The following C10orf71 variants were observed in gnomAD, a reference collection of about 807,000 sequenced individuals.
The protein encoded by C10orf71 is cardiac-enriched FHL2-interacting protein.
For synonymous variants in C10orf71, 758 were observed against 726.3 expected (o/e 1.04, Z -0.70); for missense variants, 1,869 against 1,804.5 (o/e 1.04, Z -0.65).
At chr10:49,316,607 T>G (rs1564687213) in intron 2 of C10orf71, among the ~76,000 whole-genome samples, 1 of 152,102 alleles carries the variant, frequency 6.6e-6, no homozygotes, top group African/African-American at 2.4e-5. Context: ...GAAATTCATA[T>G]GTATTAAAAG....
At chr10:49,305,179 A>C (rs890756711) in intron 1 of C10orf71, among the ~76,000 whole-genome samples, 1 of 152,128 alleles carries the variant, frequency 6.6e-6, no homozygotes, top group Non-Finnish European at 1.5e-5. Context: ...CTCTAAGGAG[A>C]CCTGTGGGTA....
At chr10:49,306,846 C>A (rs1412037231) in intron 1 of C10orf71, among the ~76,000 whole-genome samples, 1 of 152,214 alleles carries the variant, frequency 6.6e-6, no homozygotes, top group East Asian at 1.9e-4. Context: ...TTCACATGGC[C>A]CCAGAGCTCC....
At position 49,325,116 on chromosome 10, in the gene C10orf71, TA is replaced by T. The variant is rs2132439975; in HGVS notation, c.2574del (p.Asp859ThrfsTer9). 3 of 1,551,980 alleles carry T rather than the reference TA, an allele frequency of 1.9e-6. No individual in the cohort carries two copies. Among genetic ancestry groups the T allele is most frequent in the East Asian group, 4.9e-5 (2 of 40,906 alleles). On this transcript the variant is annotated frameshift_variant, in exon 3 of 3. Coordinates refer to ENST00000374144, the MANE Select transcript of C10orf71 (RefSeq NM_001135196.2). LOFTEE classifies it low-confidence loss of function (END_TRUNC). Reference sequence around the variant, plus strand: ...CAAACAGGCACATGCTGTTTACGATTAAAGACAACACCCTCAGAGCTACCCC... The same window carrying T: ...CAAACAGGCACATGCTGTTTACGATTAAGACAACACCCTCAGAGCTACCCC... ...ASNRHMLFTI[K>X]DNTLRATPVI...
chr10:49,298,104 C>G (rs542087159), upstream of C10orf71, among the ~76,000 whole-genome samples: 1 of 152,186 alleles, frequency 6.6e-6, no homozygotes, highest in Non-Finnish European at 1.5e-5. Flanking sequence ...GGCTGTCAGC[C>G]GGTTCAAGGC....
chr10:49,310,488 G>T (rs192146709), intron 1 of C10orf71, among the ~76,000 whole-genome samples: 2 of 152,288 alleles, frequency 1.3e-5, no homozygotes, highest in East Asian at 1.9e-4. Context: ...CTCGTCCCCA[G>T]TTCTTCCCTG....
chr10:49,319,499 A>G (rs1849054632), intron 2 of C10orf71, among the ~76,000 whole-genome samples: 1 of 151,966 alleles, frequency 6.6e-6, no homozygotes, highest in Non-Finnish European at 1.5e-5. Flanking sequence ...CATATAATCC[A>G]GCAATTCCAC....
intron 1 of C10orf71, among the ~76,000 whole-genome samples, chr10:49,303,535 G>C (rs72792834): frequency 6.6e-6 from 1 of 152,188 alleles, no homozygotes; most frequent in Non-Finnish European, 1.5e-5. Context: ...AGTCCTGAGC[G>C]GGATCAAGCA....
At chr10:49,311,451 CCT>C (rs1221761807) in intron 1 of C10orf71, among the ~76,000 whole-genome samples, 4 of 152,322 alleles carry the variant, frequency 2.6e-5, no homozygotes, top group Middle Eastern at 3.4e-3. Context: ...CTGCAGTAAA[CCT>C]CTGTCATTAC....
rs1347852742 is a variant in C10orf71, at chr10:49,326,328, C to T, written c.3783C>T (p.Pro1261=). 12 of 1,549,696 alleles carry T rather than the reference C, an allele frequency of 7.7e-6. No individual in the cohort carries two copies. The Admixed American group carries it at 2.4e-4, about 30-fold the overall frequency. The change falls in exon 3 of 3, where the codon CCC becomes CCT. Residue 1261 remains proline, a synonymous_variant. Transcript: ENST00000374144. ...SEPVGRRPGG[P]QSLTPLPAYP... is the part of the protein sequence containing the mutation. ...CTGTCGGGAGGCGGCCCGGGGGCCC[C>T]CAGTCCCTCACACCCCTGCCCGCGT...
chr10:49,310,001 A>G (rs1848883299), intron 1 of C10orf71, among the ~76,000 whole-genome samples: 1 of 152,200 alleles, frequency 6.6e-6, no homozygotes, highest in Non-Finnish European at 1.5e-5. Flanking sequence ...CAAAAACCAC[A>G]CTACCGGCAA....
intron 1 of C10orf71, among the ~76,000 whole-genome samples, chr10:49,300,663 C>T (rs1848713456): frequency 6.6e-6 from 1 of 152,164 alleles, no homozygotes; most frequent in Admixed American, 6.5e-5. Flanking sequence ...TCACCAGACA[C>T]ACAGCGTGTC....
In C10orf71 at chr10:49,323,044, C is replaced by T; in HGVS notation, c.499C>T (p.Pro167Ser). ...TGAGAGCAGGCCCACTGCCAGCAAG[C>T]CTCCGGCTCTGAAAAATCCTCCCAA... ...RCESRPTASKPPALKNPPKFA... is the reference protein window; with the variant it reads ...RCESRPTASKSPALKNPPKFA... The change falls in exon 3 of 3, where the codon CCT becomes TCT. Residue 167 changes from proline to serine, a missense_variant. Transcript: ENST00000374144. 6.2e-7 allele frequency: 1 copy of T among 1,613,974 alleles called. No individual in the cohort carries two copies. Among genetic ancestry groups the T allele is most frequent in the Non-Finnish European group, 8.5e-7 (1 of 1,179,882 alleles).
At chr10:49,299,397 C>A (rs989307845) in intron 1 of C10orf71, 164 bp downstream of exon 1, 1 of 152,504 alleles carries the variant, frequency 6.6e-6, no homozygotes, top group Non-Finnish European at 1.5e-5. Context: ...TGGGCAGAGC[C>A]GGGTTTCTCT....
intron 1 of C10orf71, among the ~76,000 whole-genome samples, chr10:49,301,872 A>T (rs1848734336): frequency 6.6e-6 from 1 of 152,234 alleles, no homozygotes; most frequent in Non-Finnish European, 1.5e-5. Context: ...GACACATGGC[A>T]GATGGGCAGG....
At chr10:49,311,890 G>T (rs1425356188) in intron 1 of C10orf71, among the ~76,000 whole-genome samples, 6 of 152,194 alleles carry the variant, frequency 3.9e-5, no homozygotes, top group Non-Finnish European at 5.9e-5. Flanking sequence ...ATTTGTAAAG[G>T]ATTAGGAGGG....
chr10:49,315,588 G>A (rs1307763178), intron 1 of C10orf71, among the ~76,000 whole-genome samples: 1 of 152,120 alleles, frequency 6.6e-6, no homozygotes, highest in Non-Finnish European at 1.5e-5. Flanking sequence ...AAAACTGAAA[G>A]GCTTAAAAGA....
chr10:49,304,074 A>G (rs1008894952), intron 1 of C10orf71, among the ~76,000 whole-genome samples: 1 of 152,220 alleles, frequency 6.6e-6, no homozygotes, highest in Non-Finnish European at 1.5e-5. Flanking sequence ...AGGCCAGGGA[A>G]GATGAGCTCT....
chr10:49,308,354 T>G (rs545010651), intron 1 of C10orf71, among the ~76,000 whole-genome samples: 1 of 152,340 alleles, frequency 6.6e-6, no homozygotes, highest in South Asian at 2.1e-4. Flanking sequence ...AAAGCCAAAC[T>G]TGTTCTCTCC....
At chr10:49,300,874 C>G (rs193177240) in intron 1 of C10orf71, among the ~76,000 whole-genome samples, 19 of 152,250 alleles carry the variant, frequency 1.2e-4, no homozygotes, top group African/African-American at 4.3e-4. Flanking sequence ...AATGCTGTGT[C>G]CTGGAGCAGA....
Sources: allele counts gnomAD v4.1 joint callset (sites outside exome capture counted in the v4.1 genomes callset), GRCh38; gene constraint gnomAD v4.1.1; transcripts MANE v1.5; gene names NCBI Gene and HGNC (gene_info 2026-07-23, HGNC 2026-07-21).